The following PREX1 variants were observed in gnomAD, a reference collection of about 807,000 sequenced individuals.
The protein encoded by PREX1 is phosphatidylinositol 3,4,5-trisphosphate-dependent Rac exchanger 1 protein.
A neutral mutation model predicts 198.3 loss-of-function variants in PREX1; 41 were observed. The ratio of observed to expected loss-of-function variants is 0.21; its 90% CI spans 0.16 to 0.27. The LOEUF (loss-of-function observed/expected upper bound fraction) is 0.27. Ranked by LOEUF, PREX1 falls within the 10% of genes least tolerant of loss-of-function variation. The probability of loss-of-function intolerance (pLI) is 1.00; values close to 1 mark genes in which losing one functional copy is unlikely to be tolerated. For missense variants in PREX1, 1,620 were observed against 2,200.7 expected, an observed-to-expected ratio of 0.74 and a Z score of 5.28; for synonymous variants, 843 against 887.2, an observed-to-expected ratio of 0.95 and a Z score of 0.89.
chr20:48,685,603 T>C (rs1281044748), intron 10 of PREX1, among the ~76,000 whole-genome samples: 1 of 152,128 alleles, frequency 6.6e-6, no homozygotes, highest in Non-Finnish European at 1.5e-5. Flanking sequence ...TGAGTCCAAG[T>C]CTAACTCAAA....
chr20:48,887,647 T>C, the PREX1 span, among the ~76,000 whole-genome samples: 1 of 144,988 alleles, frequency 6.9e-6, no homozygotes, highest in Non-Finnish European at 1.5e-5. Context: ...AATAAATAAA[T>C]AAAAATAAAA....
chr20:48,720,351 C>T (rs73332888), intron 5 of PREX1, among the ~76,000 whole-genome samples: 2,079 of 152,264 alleles, frequency 0.014, 39 homozygotes, highest in African/African-American at 0.047. Context: ...GAAGAATGTC[C>T]GTTCCAAGGG....
rs530756675 is a variant in PREX1 at position 48,729,816 on chromosome 20, C to A, written c.520-3425G>T. Among the ~76,000 whole-genome samples, 79 of 152,286 alleles carry A rather than the reference C, an allele frequency of 5.2e-4. 1 individual carries two copies. The highest frequency in any genetic ancestry group is 1.9e-3 in the African/African-American group (78 of 41,556). The stretch of plus-strand genomic sequence containing the variant: ...AATGGTGTTCCCCAAAATGCCAGGC[C>A]CCCACAAAACCTCAAAATGCAACCT... On this transcript the variant is annotated intron_variant, in intron 4 of 39. Coordinates refer to ENST00000371941, the MANE Select transcript of PREX1 (RefSeq NM_020820.4).
intron 25 of PREX1, among the ~76,000 whole-genome samples, chr20:48,649,029 T>C (rs889531320): frequency 6.6e-6 from 1 of 152,204 alleles, no homozygotes; most frequent in Non-Finnish European, 1.5e-5. Flanking sequence ...ATATCCATAA[T>C]ATTTCATTAC....
At chr20:48,726,141 G>A (rs539213354) in intron 5 of PREX1, 149 bp downstream of exon 5, 32 of 640,094 alleles carry the variant, frequency 5.0e-5, no homozygotes, top group African/African-American at 1.8e-4. Flanking sequence ...CAGGGTGAAC[G>A]AGAGAGAAAG....
chr20:48,754,713 T>TG (rs1330965213), intron 1 of PREX1, among the ~76,000 whole-genome samples: 2 of 40,154 alleles, frequency 5.0e-5, no homozygotes, highest in African/African-American at 2.0e-4. Context: ...TGGGGGTGGG[T>TG]GGGGGGAGCT....
At position 48,625,631 on chromosome 20, in the gene PREX1, T is replaced by G; in HGVS notation, c.*254A>C. ...GCACCAGCTGCTCCCATCAGCTCTA[T>G]GGGTCTCCAGCACCCCTCCAGCTTC... is the stretch of plus-strand genomic sequence containing the variant. On this transcript the variant is annotated 3_prime_UTR_variant, in exon 40 of 40. Coordinates refer to ENST00000371941, the MANE Select transcript of PREX1 (RefSeq NM_020820.4). 4.2e-6 allele frequency: 2 copies of G among 481,108 alleles called. No individual in the cohort carries two copies. Among genetic ancestry groups the G allele is most frequent in the Non-Finnish European group, 7.3e-6 (2 of 274,794 alleles). 29.8% of individuals were successfully genotyped at this position (481,108 alleles called of 1,614,324 possible).
intron 1 of PREX1, among the ~76,000 whole-genome samples, chr20:48,760,380 A>C (rs114975732): frequency 5.9e-5 from 9 of 152,140 alleles, no homozygotes; most frequent in African/African-American, 2.2e-4. Context: ...TCCTGAGGTG[A>C]GATGAGAAGG....
At chr20:48,654,496 G>T (rs772328515) in intron 19 of PREX1, among the ~76,000 whole-genome samples, 4 of 152,128 alleles carry the variant, frequency 2.6e-5, no homozygotes, top group Non-Finnish European at 4.4e-5. Flanking sequence ...CCCACTAACC[G>T]CCAGAAACAC....
chr20:48,720,887 G>T (rs1428239356), intron 5 of PREX1, among the ~76,000 whole-genome samples: 1 of 152,162 alleles, frequency 6.6e-6, no homozygotes, highest in Non-Finnish European at 1.5e-5. Context: ...CCCACAGACA[G>T]ACATGGGAGG....
chr20:48,848,925 C>T, the PREX1 span, among the ~76,000 whole-genome samples: 12 of 151,894 alleles, frequency 7.9e-5, no homozygotes, highest in African/African-American at 1.9e-4. Flanking sequence ...TTAGTAGAGA[C>T]GGGGGTTTCA....
chr20:48,832,328 CCT>C (rs2090538983), upstream of PREX1, among the ~76,000 whole-genome samples: 1 of 152,098 alleles, frequency 6.6e-6, no homozygotes, highest in African/African-American at 2.4e-5. Flanking sequence ...CTGACAAGCC[CCT>C]GTCAGCTTCT....
At chr20:48,866,566 A>T in the PREX1 span, among the ~76,000 whole-genome samples, 1 of 152,202 alleles carries the variant, frequency 6.6e-6, no homozygotes, top group African/African-American at 2.4e-5. Context: ...GCTCAGCCAG[A>T]GGATAAATGG....
chr20:48,701,816 G>A (rs939502746), intron 6 of PREX1, among the ~76,000 whole-genome samples: 3 of 152,176 alleles, frequency 2.0e-5, no homozygotes, highest in African/African-American at 7.2e-5. Flanking sequence ...AGGGGAAGGG[G>A]TGACAAAGAC....
chr20:48,722,722 G>A (rs773479200), intron 5 of PREX1, among the ~76,000 whole-genome samples: 46 of 152,208 alleles, frequency 3.0e-4, no homozygotes, highest in Non-Finnish European at 4.3e-4. Context: ...AGAGCTGGGG[G>A]CAAAGGTGGC....
intron 4 of PREX1, 84 bp from the exon 5 acceptor site, chr20:48,726,475 A>G: frequency 1.1e-6 from 1 of 950,786 alleles, no homozygotes; most frequent in South Asian, 1.4e-5. Flanking sequence ...AAACGCTCTC[A>G]GAGCACAGCT....
intron 15 of PREX1, 143 bp from the exon 16 acceptor site, chr20:48,660,204 T>C: frequency 2.0e-6 from 2 of 994,350 alleles, no homozygotes; most frequent in East Asian, 2.5e-5. Context: ...TGGAATCATA[T>C]GCCAACACTA....
chr20:48,770,644 A>G (rs1198608709), intron 1 of PREX1, among the ~76,000 whole-genome samples: 1 of 152,154 alleles, frequency 6.6e-6, no homozygotes, highest in African/African-American at 2.4e-5. Context: ...TGGGATGCAG[A>G]GGTTGCAGTG....
intron 1 of PREX1, among the ~76,000 whole-genome samples, chr20:48,790,906 C>T (rs2090335945): frequency 6.6e-6 from 1 of 152,196 alleles, no homozygotes; most frequent in South Asian, 2.1e-4. Flanking sequence ...AGAACATCTG[C>T]TTACCTCTAC....
Sources: gnomAD v4.1 joint callset for allele counts (sites outside exome capture counted in the v4.1 genomes callset) on GRCh38, gnomAD v4.1.1 for gene constraint, MANE v1.5 for transcripts, NCBI Gene and HGNC (gene_info 2026-07-23, HGNC 2026-07-21) for gene names.